SLIT1: variants seen among roughly 807,000 people sequenced by gnomAD.
SLIT1 encodes slit homolog 1 protein.
In SLIT1, 66 loss-of-function variants were observed where a neutral mutation model predicts 186.1. That is an observed-to-expected ratio of 0.35 (90% CI 0.29 to 0.44). The LOEUF (loss-of-function observed/expected upper bound fraction) is 0.44. Among genes scored for constraint, SLIT1 ranks in the 20% least tolerant of loss-of-function variants. The pLI is 1.00. For missense variants in SLIT1, 1,638 were observed against 2,037.4 expected, an observed-to-expected ratio of 0.80 and a Z score of 3.77; for synonymous variants, 761 against 833.8, an observed-to-expected ratio of 0.91 and a Z score of 1.50.
intron 4 of SLIT1, among the ~76,000 whole-genome samples, chr10:97,135,245 C>T (rs546713998): frequency 1.1e-4 from 16 of 152,236 alleles, no homozygotes; most frequent in South Asian, 4.2e-4. Context: ...CGCCTGACCA[C>T]GTGCCTGCGT....
intron 26 of SLIT1, among the ~76,000 whole-genome samples, chr10:97,020,148 T>C (rs1259458842): frequency 6.6e-6 from 1 of 151,746 alleles, no homozygotes; most frequent in Non-Finnish European, 1.5e-5. Context: ...TTTTTAAAAT[T>C]TTTTTGTAGC....
intron 1 of SLIT1, among the ~76,000 whole-genome samples, chr10:97,180,727 T>C (rs550747649): frequency 1.1e-4 from 17 of 152,302 alleles, no homozygotes; most frequent in Admixed American, 5.9e-4. Flanking sequence ...GGGGCAGAGA[T>C]GCCCAGGAAA....
intron 13 of SLIT1, 110 bp from the exon 14 acceptor site, chr10:97,049,228 C>T (rs967079158): frequency 1.9e-5 from 25 of 1,347,526 alleles, no homozygotes; most frequent in Non-Finnish European, 2.3e-5. Flanking sequence ...TGCCTGTGGC[C>T]TGGAGCCTAG....
intron 13 of SLIT1, among the ~76,000 whole-genome samples, chr10:97,052,853 G>T (rs1848802100): frequency 6.6e-6 from 1 of 152,144 alleles, no homozygotes; most frequent in Non-Finnish European, 1.5e-5. Context: ...TAGTACCTTG[G>T]ATTTCTATTT....
intron 4 of SLIT1, among the ~76,000 whole-genome samples, chr10:97,110,804 C>A (rs1359141498): frequency 6.6e-6 from 1 of 152,208 alleles, no homozygotes; most frequent in East Asian, 1.9e-4. Flanking sequence ...GTGGTGAATT[C>A]ATGGATACTC....
At chr10:97,038,911 TCAC>T (rs1848665604) in intron 21 of SLIT1, among the ~76,000 whole-genome samples, 1 of 152,140 alleles carries the variant, frequency 6.6e-6, no homozygotes, top group South Asian at 2.1e-4. Context: ...GCTCTGAACT[TCAC>T]CATCTTCAGT....
At chr10:97,012,407 C>T (rs1848419716) in intron 30 of SLIT1, among the ~76,000 whole-genome samples, 1 of 152,204 alleles carries the variant, frequency 6.6e-6, no homozygotes, top group Non-Finnish European at 1.5e-5. Flanking sequence ...ATGCCAGGCA[C>T]AGCTGAACAT....
intron 4 of SLIT1, among the ~76,000 whole-genome samples, chr10:97,105,699 G>T (rs1321788172): frequency 1.3e-5 from 2 of 152,174 alleles, no homozygotes; most frequent in African/African-American, 4.8e-5. Flanking sequence ...GGGCATCTCC[G>T]CAGGGTCTTA....
At position 97,064,785 on chromosome 10, in the gene SLIT1, CT is replaced by C; in HGVS notation, c.557+19del. 2 of 1,592,934 alleles carry C rather than the reference CT, an allele frequency of 1.3e-6. No individual in the cohort carries two copies. Among genetic ancestry groups the C allele is most frequent in the Non-Finnish European group, 1.7e-6 (2 of 1,167,914 alleles). On this transcript the variant is annotated intron_variant, in intron 6 of 36. Coordinates refer to ENST00000266058, the MANE Select transcript of SLIT1 (RefSeq NM_003061.3). ...GCAGGGCCCTCCACACCCCTCCTTC[CT>C]TTTCCATGCTTTACTTACAGCACCT...
At position 97,177,935 on chromosome 10, in the gene SLIT1, C is replaced by T. The variant is rs137997788; in HGVS notation, c.197+7543G>A. 3.7e-3 allele frequency among the ~76,000 whole-genome samples: 570 copies of T among 152,150 alleles called. 5 individuals carry two copies. Among genetic ancestry groups the T allele is most frequent in the African/African-American group, 0.013 (549 of 41,494 alleles). On this transcript the variant is annotated intron_variant, in intron 1 of 36. Transcript: ENST00000266058. ...GGGTTGCAGTGAGTCGAGATTGTGC[C>T]ACCGCACTCCAGCCTGGGCAACAGA...
chr10:97,042,781 T>C lies in SLIT1; in HGVS notation c.2164+120A>G. The C allele has an allele frequency of 5.5e-6, 6 of 1,082,032 alleles. No homozygotes were observed. In the South Asian group the frequency reaches 9.6e-5, roughly 17 times the overall value. The allele number at this position is 1,082,032 out of a possible 1,614,324, so 67.0% of individuals were successfully genotyped here. A position where few individuals can be genotyped will look rare whatever the true frequency, so the allele number is the denominator to read the frequency against. On this transcript the variant is annotated intron_variant, in intron 20 of 36. Coordinates refer to ENST00000266058, the MANE Select transcript of SLIT1 (RefSeq NM_003061.3). ...CAGGGCCTCCCCTCCCCACCTAACC[T>C]CTCCTCTCAGGGGCATGCCAGGGGG...
At chr10:97,125,396 C>T (rs1334769004) in intron 4 of SLIT1, among the ~76,000 whole-genome samples, 1 of 152,022 alleles carries the variant, frequency 6.6e-6, no homozygotes, top group African/African-American at 2.4e-5. Flanking sequence ...ATTAGCCAGG[C>T]CTGGTGGTGC....
In SLIT1 at chr10:97,184,019, CA is replaced by C. The variant is rs1311787656; in HGVS notation, c.197+1458del. Reference sequence around the variant, plus strand: ...TTCACACACACACATACACATGCACCACACACACACACACACACACACACAC... The same window carrying C: ...TTCACACACACACATACACATGCACCCACACACACACACACACACACACAC... On this transcript the variant is annotated intron_variant, in intron 1 of 36. Coordinates refer to ENST00000266058, the MANE Select transcript of SLIT1 (RefSeq NM_003061.3). The surrounding 1 kb of genome is among the most constrained non-coding windows in gnomAD (Gnocchi z 4.4). Among the ~76,000 whole-genome samples, 3 of 2,324 alleles carry C rather than the reference CA, an allele frequency of 1.3e-3. No individual in the cohort carries two copies. The highest frequency in any genetic ancestry group is 2.9e-3 in the African/African-American group (2 of 700). The allele number at this position is 2,324 out of a possible 152,430, so 1.5% of individuals were successfully genotyped here. A position where few individuals can be genotyped will look rare whatever the true frequency, so the allele number is the denominator to read the frequency against.
chr10:97,058,093 G>A (rs763830731), intron 11 of SLIT1: 17 of 716,952 alleles, frequency 2.4e-5, no homozygotes, highest in South Asian at 4.4e-5. Flanking sequence ...GACAGGTGAC[G>A]GGGCCAGTGT....
intron 21 of SLIT1, among the ~76,000 whole-genome samples, chr10:97,038,129 G>A (rs976715527): frequency 7.9e-5 from 12 of 152,050 alleles, no homozygotes; most frequent in Non-Finnish European, 1.2e-4. Context: ...GCACGTTACC[G>A]GGCCCTGCCA....
intron 4 of SLIT1, among the ~76,000 whole-genome samples, chr10:97,146,561 C>T (rs928534625): frequency 6.6e-6 from 1 of 151,554 alleles, no homozygotes; most frequent in East Asian, 1.9e-4. Context: ...GTACCCCAGC[C>T]CCCCCCACTG....
intron 21 of SLIT1, 52 bp from the exon 22 acceptor site, chr10:97,037,818 C>A: frequency 6.8e-7 from 1 of 1,477,634 alleles, no homozygotes; most frequent in Non-Finnish European, 9.4e-7. Flanking sequence ...CTGGTGGTGC[C>A]CCATGCTGGG....
intron 4 of SLIT1, among the ~76,000 whole-genome samples, chr10:97,085,984 G>A (rs910442508): frequency 6.6e-6 from 1 of 152,216 alleles, no homozygotes; most frequent in African/African-American, 2.4e-5. Flanking sequence ...GGGGCAACAG[G>A]AACTTTTGTC....
chr10:97,065,624 T>C (rs562382827), intron 5 of SLIT1: 308 of 194,280 alleles, frequency 1.6e-3, no homozygotes, highest in Admixed American at 3.8e-3. Flanking sequence ...GGCTCAGCGA[T>C]GTTCACTGAC....
Sources: gnomAD v4.1 joint callset for allele counts (sites outside exome capture counted in the v4.1 genomes callset) on GRCh38, gnomAD v4.1.1 for gene constraint, Gnocchi (gnomAD v3.1) non-coding constraint, MANE v1.5 for transcripts, NCBI Gene and HGNC (gene_info 2026-07-23, HGNC 2026-07-21) for gene names.